The following SHE variants were observed in gnomAD, a reference collection of about 807,000 sequenced individuals.
The protein encoded by SHE is SH2 domain-containing adapter protein E.
Under a neutral mutation model 49.8 loss-of-function variants are expected in SHE, and 11 were observed. The ratio of observed to expected loss-of-function variants is 0.22; its 90% CI spans 0.14 to 0.37. The LOEUF is 0.37. Ranked by LOEUF, SHE falls within the 10% of genes least tolerant of loss-of-function variation. The pLI is 1.00. For synonymous variants in SHE, 310 were observed against 278.1 expected, an observed-to-expected ratio of 1.11 and a Z score of -1.14; for missense variants, 624 against 655.5, an observed-to-expected ratio of 0.95 and a Z score of 0.52.
In SHE at chr1:154,483,538, T is replaced by C; in HGVS notation, c.*611A>G. ...GCACATTTCTAGAGAACTCTGATGC[T>C]CCTGAACTCCTGACTTAACCTTCCT... On this transcript the variant is annotated 3_prime_UTR_variant, in exon 6 of 6. Coordinates refer to ENST00000304760, the MANE Select transcript of SHE (RefSeq NM_001010846.3). 2.0e-6 allele frequency: 2 copies of C among 985,452 alleles called. No individual in the cohort carries two copies. The highest frequency in any genetic ancestry group is 2.4e-6 in the Non-Finnish European group (2 of 829,992). 61.0% of individuals were successfully genotyped at this position (985,452 alleles called of 1,614,324 possible). A position where few individuals can be genotyped will look rare whatever the true frequency, so the allele number is the denominator to read the frequency against.
intron 3 of SHE, 52 bp from the exon 4 acceptor site, chr1:154,486,735 A>T: frequency 6.3e-7 from 1 of 1,593,778 alleles, no homozygotes; most frequent in Non-Finnish European, 8.5e-7. Context: ...GACCCATGTA[A>T]ACTTCAAAGG....
chr1:154,484,003 A>C lies in SHE; in HGVS notation c.*146T>G. 2 of 1,433,300 alleles carry C rather than the reference A, an allele frequency of 1.4e-6. No individual in the cohort carries two copies. The highest frequency in any genetic ancestry group is 1.8e-6 in the Non-Finnish European group (2 of 1,092,820). 88.8% of individuals were successfully genotyped at this position (1,433,300 alleles called of 1,614,324 possible). On this transcript the variant is annotated 3_prime_UTR_variant, in exon 6 of 6. Coordinates refer to ENST00000304760, the MANE Select transcript of SHE (RefSeq NM_001010846.3). ...ACACAGCGAGACTTCGTCTCAAACA[A>C]AACAAAACAAATCACTCTCTGACTT...
Position 154,501,758 on chromosome 1 carries a change from C to T in SHE, c.269G>A (p.Gly90Glu), listed in dbSNP as rs1692767310. 6.4e-7 allele frequency: 1 copy of T among 1,567,856 alleles called. No homozygotes were observed. The highest frequency in any genetic ancestry group is 1.4e-5 in the African/African-American group (1 of 73,806). Residue 90 changes from glycine (G) to glutamate (E), a missense_variant, in exon 1 of 6, where the codon GGG becomes GAG. Transcript: ENST00000304760. ...KGRKNSAAELGSGRAGVGPKD... is the reference protein window; with the variant it reads ...KGRKNSAAELESGRAGVGPKD... ...GGGGCCGACGCCGGCCCTGCCGCTC[C>T]CCAGCTCGGCCGCCGAGTTCTTGCG...
downstream of SHE, among the ~76,000 whole-genome samples, chr1:154,476,436 C>A (rs555093895): frequency 1.3e-5 from 2 of 152,036 alleles, no homozygotes; most frequent in African/African-American, 4.8e-5. Flanking sequence ...CAAGGTCAGG[C>A]GTTTGAGATC....
In SHE at chr1:154,483,916, T is replaced by C. The variant is rs750495804; in HGVS notation, c.*233A>G. On this transcript the variant is annotated 3_prime_UTR_variant, in exon 6 of 6. Transcript: ENST00000304760. ...GGGAGGCTGATGGGGAAGAACTGCTTGAACCCAGGAGTCAGATGTTGCAGT... is the reference window on the plus strand; with the variant it reads ...GGGAGGCTGATGGGGAAGAACTGCTCGAACCCAGGAGTCAGATGTTGCAGT... 2.4e-6 allele frequency: 3 copies of C among 1,233,212 alleles called. No individual in the cohort carries two copies. The highest frequency in any genetic ancestry group is 3.1e-6 in the Non-Finnish European group (3 of 958,806). The allele number at this position is 1,233,212 out of a possible 1,614,324, so 76.4% of individuals were successfully genotyped here.
intron 2 of SHE, among the ~76,000 whole-genome samples, chr1:154,498,093 TTTTG>T (rs1287096412): frequency 9.9e-5 from 15 of 151,698 alleles, no homozygotes; most frequent in African/African-American, 2.4e-4. Flanking sequence ...TGTTTGCAGT[TTTTG>T]TTTGTTTTTT....
chr1:154,501,308 G>T, intron 1 of SHE, 128 bp downstream of exon 1: 1 of 817,262 alleles, frequency 1.2e-6, no homozygotes, highest in Non-Finnish European at 2.0e-6. Flanking sequence ...TTCCCAAATG[G>T]TGGAGGGAGA....
intron 2 of SHE, among the ~76,000 whole-genome samples, chr1:154,492,241 C>T (rs1196482268): frequency 6.6e-6 from 1 of 152,156 alleles, no homozygotes; most frequent in Non-Finnish European, 1.5e-5. Context: ...GGCTTTCACA[C>T]ACACTGCTTT....
At position 154,501,514 on chromosome 1, in the gene SHE, G is replaced by A. The variant is rs779212856; in HGVS notation, c.513C>T (p.Ser171=). The A allele has an allele frequency of 1.2e-6, 2 of 1,614,156 alleles. No individual in the cohort carries two copies. Among genetic ancestry groups the A allele is most frequent in the Non-Finnish European group, 1.7e-6 (2 of 1,179,986 alleles). Reference sequence around the variant, plus strand: ...AAGGGGAAGAGGACGCGGAGGAAGAGGAGCTGGAGCTGGAGCTACTGCTGC... The same window carrying A: ...AAGGGGAAGAGGACGCGGAGGAAGAAGAGCTGGAGCTGGAGCTACTGCTGC... ...YPSSSSSSSS[S]SSSASSSPSS... is the part of the protein sequence containing the mutation. The change falls in exon 1 of 6, where the codon TCC becomes TCT. Residue 171 remains serine (S), a synonymous_variant. Transcript: ENST00000304760.
chr1:154,500,503 T>C (rs1692679814), intron 1 of SHE, among the ~76,000 whole-genome samples: 1 of 152,172 alleles, frequency 6.6e-6, no homozygotes, highest in African/African-American at 2.4e-5. Flanking sequence ...GGAGGTAGCA[T>C]GTTTGAAGCC....
Position 154,492,240 on chromosome 1 carries a change from A to G in SHE, c.719-2884T>C, listed in dbSNP as rs181705077. On this transcript the variant is annotated intron_variant, in intron 2 of 5. Coordinates refer to ENST00000304760, the MANE Select transcript of SHE (RefSeq NM_001010846.3). ...ATTGAAATCACCCGCGGGCTTTCAC[A>G]CACACTGCTTTAACCACCAGAGGTT... Among the ~76,000 whole-genome samples the G allele has an allele frequency of 8.0e-4, 122 of 152,172 alleles. No individual in the cohort carries two copies. The Middle Eastern group carries it at 0.014, about 17-fold the overall frequency.
Position 154,484,047 on chromosome 1 carries a change from T to C in SHE, c.*102A>G. ...CTGACTTTTCAAGGAAGACTCCCAT[T>C]TTCTAGCAGTTGCTAGTCCAGCCTT... is the stretch of plus-strand genomic sequence containing the variant. On this transcript the variant is annotated 3_prime_UTR_variant, in exon 6 of 6. Coordinates refer to ENST00000304760, the MANE Select transcript of SHE (RefSeq NM_001010846.3). 6.8e-7 allele frequency: 1 copy of C among 1,475,312 alleles called. No individual in the cohort carries two copies. Among genetic ancestry groups the C allele is most frequent in the Non-Finnish European group, 9.0e-7 (1 of 1,110,488 alleles). The allele number at this position is 1,475,312 out of a possible 1,614,324, so 91.4% of individuals were successfully genotyped here.
intron 5 of SHE, 198 bp from the exon 6 acceptor site, chr1:154,484,533 G>A (rs1236539811): frequency 1.9e-6 from 1 of 520,534 alleles, no homozygotes; most frequent in African/African-American, 1.9e-5. Flanking sequence ...ATCCTTGAGT[G>A]GTTTATCCTT....
At chr1:154,492,804 A>G (rs1052345457) in intron 2 of SHE, among the ~76,000 whole-genome samples, 5 of 152,214 alleles carry the variant, frequency 3.3e-5, no homozygotes, top group African/African-American at 9.7e-5. Context: ...CTCAGTTGAG[A>G]CCATCTGGCA....
In SHE at chr1:154,502,007, G is replaced by A. The variant is rs763547530; in HGVS notation, c.20C>T (p.Pro7Leu). The change falls in exon 1 of 6, where the codon CCT becomes CTT. Residue 7 changes from proline (P) to leucine (L), a missense_variant. Physicochemically the swap from Pro to Leu is moderately conservative, Grantham distance 98. Around this residue, in one of 4 missense-constraint regions of SHE, gnomAD observed 337 missense variants for 306.0 expected, o/e 1.10. Coordinates refer to ENST00000304760, the MANE Select transcript of SHE (RefSeq NM_001010846.3). ...CCAGCCCAGACACGCAGAGGCGCCA[G>A]GGGTCGGGGACCACTGCATTCCCCG... MQWSPT[P>L]GASACLGWAS... The A allele has an allele frequency of 3.5e-5, 48 of 1,388,294 alleles. No individual in the cohort carries two copies. The South Asian group carries it at 4.1e-4, about 12-fold the overall frequency. 86.0% of individuals were successfully genotyped at this position (1,388,294 alleles called of 1,614,324 possible).
At chr1:154,488,135 G>A (rs532005740) in intron 3 of SHE, among the ~76,000 whole-genome samples, 6 of 151,970 alleles carry the variant, frequency 3.9e-5, no homozygotes, top group South Asian at 2.1e-4. Flanking sequence ...TAAAGACGGC[G>A]TTTCACCATG....
At chr1:154,485,865 T>TA in intron 5 of SHE, 78 bp downstream of exon 5, 1 of 1,548,354 alleles carries the variant, frequency 6.5e-7, no homozygotes, top group South Asian at 1.1e-5. Context: ...ACCTTCACAG[T>TA]ATGTTTTTTT....
At chr1:154,470,321 G>A (rs755170190) in exon 2 of SHE, 19 of 1,288,964 alleles carry the variant, frequency 1.5e-5, no homozygotes, top group East Asian at 1.1e-4. Flanking sequence ...ACATGGTTAC[G>A]GTGCTCTTTC....
chr1:154,492,981 G>A (rs557444841), intron 2 of SHE, among the ~76,000 whole-genome samples: 3 of 152,096 alleles, frequency 2.0e-5, no homozygotes, highest in Admixed American at 6.5e-5. Flanking sequence ...TGTTCCTACC[G>A]GGCCTTCCAG....
Sources: allele counts gnomAD v4.1 joint callset (sites outside exome capture counted in the v4.1 genomes callset), GRCh38; gene constraint gnomAD v4.1.1; regional missense constraint gnomAD v4.1.1; transcripts MANE v1.5; gene names NCBI Gene and HGNC (gene_info 2026-07-23, HGNC 2026-07-21).